The following SAE1 variants were observed in gnomAD, a reference collection of about 807,000 sequenced individuals.
The protein encoded by SAE1 is SUMO-activating enzyme subunit 1.
In SAE1, 11 loss-of-function variants were observed where a neutral mutation model predicts 40.6. The observed-to-expected ratio is 0.27, with a 90% CI of 0.17 to 0.45. SAE1 has a LOEUF of 0.45. Among genes scored for constraint, SAE1 ranks in the 20% least tolerant of loss-of-function variants. The pLI, the probability that SAE1 is intolerant of heterozygous loss-of-function variation, is 1.00. For missense variants in SAE1, 373 were observed against 427.3 expected (o/e 0.87, Z 1.12); for synonymous variants, 155 against 154.3 (o/e 1.00, Z -0.03).
At chr19:47,203,577 T>G in intron 7 of SAE1, 94 bp from the exon 8 acceptor site, 1 of 1,135,926 alleles carries the variant, frequency 8.8e-7, no homozygotes, top group Non-Finnish European at 1.3e-6. Flanking sequence ...AGAAGTTGTT[T>G]TTATTCAGGA....
intron 1 of SAE1, among the ~76,000 whole-genome samples, chr19:47,139,941 T>G (rs2058208988): frequency 7.0e-6 from 1 of 143,128 alleles, no homozygotes; most frequent in South Asian, 2.2e-4. Context: ...TATTTCTTTT[T>G]TTTTTTTTTT....
rs1211393505 is a variant in SAE1 at position 47,140,104 on chromosome 19, AT to A, written c.99-3376del. On this transcript the variant is annotated intron_variant, in intron 1 of 8. Coordinates refer to ENST00000270225, the MANE Select transcript of SAE1 (RefSeq NM_005500.3). Reference sequence around the variant, plus strand: ...AGGCGCCTGCCACCACTCCCGGCTAATTTTTTTTTTTTTTCTTTTTGAAACA... The same window carrying A: ...AGGCGCCTGCCACCACTCCCGGCTAATTTTTTTTTTTTTCTTTTTGAAACA... Among the ~76,000 whole-genome samples, 403 of 135,068 alleles carry A rather than the reference AT, an allele frequency of 3.0e-3. 2 individuals carry two copies. Among genetic ancestry groups the A allele is most frequent in the African/African-American group, 7.5e-3 (275 of 36,644 alleles). The allele number at this position is 135,068 out of a possible 152,430, so 88.6% of individuals were successfully genotyped here. A position where few individuals can be genotyped will look rare whatever the true frequency, so the allele number is the denominator to read the frequency against.
At chr19:47,151,212 C>T (rs1207529450) in intron 3 of SAE1, among the ~76,000 whole-genome samples, 1 of 143,054 alleles carries the variant, frequency 7.0e-6, no homozygotes, top group African/African-American at 2.6e-5. Flanking sequence ...TGCAATTGTG[C>T]GATCTTGGCT....
rs749368470 is a variant in SAE1, at chr19:47,190,473, GC to G, written c.734-6754del. The stretch of plus-strand genomic sequence containing the variant: ...CTGTCAAGAACATGGCTTTCTTCCT[GC>G]CCCCCTCCACTGCTGCTAACTGGAG... On this transcript the variant is annotated intron_variant, in intron 6 of 8. Transcript: ENST00000270225. Among the ~76,000 whole-genome samples, 35 of 152,240 alleles carry G rather than the reference GC, an allele frequency of 2.3e-4. 1 individual carries two copies. In the East Asian group the frequency reaches 6.6e-3, roughly 29 times the overall value.
At chr19:47,162,754 G>T (rs989412905) in intron 5 of SAE1, among the ~76,000 whole-genome samples, 2 of 152,254 alleles carry the variant, frequency 1.3e-5, no homozygotes, top group South Asian at 4.1e-4. Context: ...ACTTTGGGAA[G>T]CCAAAGTGGG....
At chr19:47,144,608 A>C (rs2058243329) in intron 2 of SAE1, among the ~76,000 whole-genome samples, 1 of 151,852 alleles carries the variant, frequency 6.6e-6, no homozygotes, top group African/African-American at 2.4e-5. Context: ...CTGAGGCAAG[A>C]GAATGGCGTG....
At chr19:47,175,103 C>A (rs2058460942) in intron 6 of SAE1, among the ~76,000 whole-genome samples, 1 of 132,816 alleles carries the variant, frequency 7.5e-6, no homozygotes, top group Admixed American at 8.6e-5. Context: ...TAAAAGTGGC[C>A]TTGATTTTTT....
intron 5 of SAE1, among the ~76,000 whole-genome samples, chr19:47,160,292 G>A (rs1045507571): frequency 1.4e-5 from 2 of 143,924 alleles, no homozygotes; most frequent in Non-Finnish European, 1.5e-5. Context: ...TGCGATCTCG[G>A]CTCACTGCAA....
intron 6 of SAE1, among the ~76,000 whole-genome samples, chr19:47,181,036 C>T (rs982127136): frequency 3.3e-5 from 5 of 152,038 alleles, no homozygotes; most frequent in African/African-American, 1.2e-4. Context: ...TAAAAAGAGG[C>T]CCCGGCGTGG....
Position 47,182,492 on chromosome 19 carries a change from TGTGTGCGCGCACGCACGC to T in SAE1, c.733+12571_733+12588del, listed in dbSNP as rs879284975. ...GTGTGTGTGTGTGTGTGTGTGTGTG[TGTGTGCGCGCACGCACGC>T]GCGCGCGCACACCACTGCCTTATCA... On this transcript the variant is annotated intron_variant, in intron 6 of 8. Transcript: ENST00000270225. Among the ~76,000 whole-genome samples the T allele has an allele frequency of 8.0e-4, 112 of 140,392 alleles. 1 individual carries two copies. The highest frequency in any genetic ancestry group is 1.3e-3 in the Non-Finnish European group (84 of 67,022). 92.1% of individuals were successfully genotyped at this position (140,392 alleles called of 152,430 possible).
chr19:47,163,975 G>C (rs1457655953), intron 5 of SAE1, among the ~76,000 whole-genome samples: 1 of 151,600 alleles, frequency 6.6e-6, no homozygotes, highest in Non-Finnish European at 1.5e-5. Context: ...CACCTTGTTC[G>C]CCAGGCTGGT....
intron 5 of SAE1, 117 bp from the exon 6 acceptor site, chr19:47,169,701 T>A: frequency 1.3e-6 from 1 of 741,716 alleles, no homozygotes; most frequent in South Asian, 1.6e-5. Flanking sequence ...CCCCTGCTTC[T>A]TTTAATGGTC....
At position 47,130,855 on chromosome 19, in the gene SAE1, G is replaced by A. The variant is rs971235847; in HGVS notation, c.-76G>A. On this transcript the variant is annotated 5_prime_UTR_variant, in exon 1 of 9. Coordinates refer to ENST00000270225, the MANE Select transcript of SAE1 (RefSeq NM_005500.3). ...GAAGCACTCCGGGCGTGCTGCCGGC[G>A]GCGGTAGGTGGCGCGCGGGTCCGGC... 3.2e-6 allele frequency: 5 copies of A among 1,542,764 alleles called. No homozygotes were observed. Among genetic ancestry groups the A allele is most frequent in the Non-Finnish European group, 4.4e-6 (5 of 1,144,004 alleles).
At chr19:47,148,985 A>AT (rs113372028) in intron 2 of SAE1, among the ~76,000 whole-genome samples, 56 of 148,518 alleles carry the variant, frequency 3.8e-4, no homozygotes, top group African/African-American at 8.2e-4. Context: ...CACAAGTTTG[A>AT]TTTTTTTTTT....
At chr19:47,146,342 T>C (rs774881561) in intron 2 of SAE1, among the ~76,000 whole-genome samples, 1 of 148,976 alleles carries the variant, frequency 6.7e-6, no homozygotes, top group Non-Finnish European at 1.5e-5. Flanking sequence ...CAGTAATTAC[T>C]GTATAAACTA....
intron 6 of SAE1, among the ~76,000 whole-genome samples, chr19:47,173,454 T>A (rs545855163): frequency 9.2e-5 from 14 of 152,102 alleles, no homozygotes; most frequent in Non-Finnish European, 2.1e-4. Flanking sequence ...CTCCTAGATA[T>A]CAGTTTTGTC....
intron 5 of SAE1, among the ~76,000 whole-genome samples, chr19:47,160,357 A>G (rs2058352181): frequency 6.8e-6 from 1 of 146,420 alleles, no homozygotes; most frequent in African/African-American, 2.5e-5. Context: ...GAGTAGCTGG[A>G]ACTACAGGTG....
At chr19:47,164,454 A>C (rs779254948) in intron 5 of SAE1, among the ~76,000 whole-genome samples, 56 of 152,062 alleles carry the variant, frequency 3.7e-4, no homozygotes, top group Middle Eastern at 6.8e-3. Context: ...GGCATGAGCC[A>C]CCACGTCTGG....
chr19:47,208,961 C>G (rs1437730318), intron 8 of SAE1, among the ~76,000 whole-genome samples, 198 bp from the exon 9 acceptor site: 1 of 152,168 alleles, frequency 6.6e-6, no homozygotes, highest in African/African-American at 2.4e-5. Context: ...ATAATCTCCC[C>G]ATGGACACAC....
Sources: allele counts gnomAD v4.1 joint callset (sites outside exome capture counted in the v4.1 genomes callset), GRCh38; gene constraint gnomAD v4.1.1; transcripts MANE v1.5; gene names NCBI Gene and HGNC (gene_info 2026-07-23, HGNC 2026-07-21).